Variants in CTNNA2 observed in about 807,000 individuals in gnomAD.
The protein encoded by CTNNA2 is catenin alpha-2.
A neutral mutation model predicts 101.0 loss-of-function variants in CTNNA2; 42 were observed. The ratio of observed to expected loss-of-function variants is 0.42; its 90% confidence interval spans 0.32 to 0.54. CTNNA2 has a LOEUF of 0.54. Among genes scored for constraint, CTNNA2 ranks in the 20% least tolerant of loss-of-function variants. CTNNA2 has a pLI of 0.14. For missense variants in CTNNA2, 871 were observed against 1,223.1 expected, an observed-to-expected ratio of 0.71 and a Z score of 4.29; for synonymous variants, 450 against 456.4, an observed-to-expected ratio of 0.99 and a Z score of 0.18.
At chr2:79,549,333 C>T (rs989613146) in intron 1 of CTNNA2, among the ~76,000 whole-genome samples, 12 of 152,276 alleles carry the variant, frequency 7.9e-5, no homozygotes, top group East Asian at 7.7e-4. Flanking sequence ...TATTCACACA[C>T]GTGGAATGAG....
At chr2:79,827,439 C>A (rs188995132) in intron 3 of CTNNA2, among the ~76,000 whole-genome samples, 1 of 152,122 alleles carries the variant, frequency 6.6e-6, no homozygotes, top group Admixed American at 6.5e-5. Context: ...ATCCACAAGG[C>A]GTCATCCAGA....
intron 7 of CTNNA2, among the ~76,000 whole-genome samples, chr2:79,976,307 C>T (rs1690836350): frequency 6.6e-6 from 1 of 152,100 alleles, no homozygotes; most frequent in Non-Finnish European, 1.5e-5. Context: ...GAAATTCAGG[C>T]CAACTGAACA....
intron 3 of CTNNA2, among the ~76,000 whole-genome samples, chr2:79,348,380 A>C (rs1360671711): frequency 6.6e-6 from 1 of 152,208 alleles, no homozygotes; most frequent in Non-Finnish European, 1.5e-5. Context: ...TCCTGATCTC[A>C]GTACCTGGTT....
chr2:80,263,535 C>G (rs566409250), intron 7 of CTNNA2, among the ~76,000 whole-genome samples: 12 of 152,206 alleles, frequency 7.9e-5, no homozygotes, highest in African/African-American at 2.9e-4. Context: ...GGGGTTTCAC[C>G]ATGTTGGCCC....
At chr2:79,471,056 T>C (rs572845583) in intron 4 of CTNNA2, among the ~76,000 whole-genome samples, 1 of 152,310 alleles carries the variant, frequency 6.6e-6, no homozygotes, top group East Asian at 1.9e-4. Context: ...ATTCATGTAA[T>C]GAAGATAGAT....
intron 2 of CTNNA2, among the ~76,000 whole-genome samples, chr2:79,283,270 C>T (rs1675452270): frequency 1.8e-5 from 2 of 109,444 alleles, no homozygotes; most frequent in Non-Finnish European, 4.2e-5. Context: ...GAATTAGATC[C>T]CATTTGTCAA....
intron 7 of CTNNA2, among the ~76,000 whole-genome samples, chr2:80,212,254 G>A (rs1707941974): frequency 6.6e-6 from 1 of 152,244 alleles, no homozygotes; most frequent in East Asian, 1.9e-4. Context: ...CCAACATTAT[G>A]TTGAATAGAA....
At chr2:80,170,881 C>G (rs1705010271) in intron 7 of CTNNA2, among the ~76,000 whole-genome samples, 1 of 152,134 alleles carries the variant, frequency 6.6e-6, no homozygotes, top group South Asian at 2.1e-4. Context: ...AAGGGTACAA[C>G]TTTTCAGTGT....
chr2:79,329,956 G>A lies in CTNNA2; in HGVS notation c.-318+17160G>A, dbSNP rs184821853. Among the ~76,000 whole-genome samples the A allele has an allele frequency of 6.2e-3, 947 of 152,200 alleles. 6 individuals are homozygous for A. Among genetic ancestry groups the A allele is most frequent in the African/African-American group, 0.022 (923 of 41,512 alleles). ...GCCCCAGCAGGGTGGGTGCCTCCAAGGCCCAAAAACATGACAGGCTTCAGG... is the reference window on the plus strand; with the variant it reads ...GCCCCAGCAGGGTGGGTGCCTCCAAAGCCCAAAAACATGACAGGCTTCAGG... On this transcript the variant is annotated intron_variant, in intron 3 of 21. Transcript: ENST00000466387.
At chr2:80,582,770 G>T (rs1209698474) in intron 14 of CTNNA2, among the ~76,000 whole-genome samples, 1 of 152,094 alleles carries the variant, frequency 6.6e-6, no homozygotes, top group Non-Finnish European at 1.5e-5. Flanking sequence ...TGAATAGAAA[G>T]CAAGAGGTTG....
intron 2 of CTNNA2, among the ~76,000 whole-genome samples, chr2:79,294,477 C>T (rs1417144338): frequency 6.6e-6 from 1 of 152,046 alleles, no homozygotes; most frequent in Admixed American, 6.6e-5. Flanking sequence ...ACAATTTAGT[C>T]CATACCAAGT....
At chr2:80,267,988 A>G (rs1673146388) in intron 7 of CTNNA2, among the ~76,000 whole-genome samples, 1 of 152,214 alleles carries the variant, frequency 6.6e-6, no homozygotes, top group African/African-American at 2.4e-5. Context: ...GTAGATATGG[A>G]ACTGACTTTA....
At position 79,889,179 on chromosome 2, in the gene CTNNA2, C is replaced by T. The variant is rs1264691234; in HGVS notation, c.852+14837C>T. On this transcript the variant is annotated intron_variant, in intron 6 of 18. Transcript: ENST00000402739. ...TTTGATTCAGTGGTGAAGTAAACCACACACAAACACACACACACACGTGCA... is the reference window on the plus strand; with the variant it reads ...TTTGATTCAGTGGTGAAGTAAACCATACACAAACACACACACACACGTGCA... Among the ~76,000 whole-genome samples, 4 of 152,236 alleles carry T rather than the reference C, an allele frequency of 2.6e-5. No homozygotes were observed. In the East Asian group the frequency reaches 7.7e-4, roughly 29 times the overall value.
chr2:80,628,169 G>T (rs569426755), intron 18 of CTNNA2, among the ~76,000 whole-genome samples: 1 of 152,000 alleles, frequency 6.6e-6, no homozygotes, highest in Non-Finnish European at 1.5e-5. Flanking sequence ...GATCAATATT[G>T]TGAAAATGGC....
chr2:79,623,857 A>G (rs1679141378), intron 1 of CTNNA2, among the ~76,000 whole-genome samples: 1 of 152,208 alleles, frequency 6.6e-6, no homozygotes, highest in East Asian at 1.9e-4. Flanking sequence ...ACTTTGTTTC[A>G]AATATTATAG....
At chr2:79,654,627 A>T (rs897282556) in intron 2 of CTNNA2, among the ~76,000 whole-genome samples, 5 of 152,188 alleles carry the variant, frequency 3.3e-5, no homozygotes, top group Non-Finnish European at 7.3e-5. Context: ...GACATCCTTA[A>T]CCTAAGCACA....
chr2:80,256,059 C>T (rs1368053227), intron 7 of CTNNA2, among the ~76,000 whole-genome samples: 2 of 152,066 alleles, frequency 1.3e-5, no homozygotes, highest in South Asian at 2.1e-4. Flanking sequence ...ATGCAGCAAG[C>T]CTTCTAATCA....
chr2:79,858,319 A>C, intron 4 of CTNNA2, 140 bp downstream of exon 4: 1 of 462,980 alleles, frequency 2.2e-6, no homozygotes, highest in Non-Finnish European at 3.8e-6. Context: ...GCCCACGTCC[A>C]ATTTTTTCTA....
rs1491291453 is a variant in CTNNA2 at position 79,977,220 on chromosome 2, ATG to A, written c.1056+67424_1056+67425del. Among the ~76,000 whole-genome samples, 1,287 of 138,508 alleles carry A rather than the reference ATG, an allele frequency of 9.3e-3. 17 individuals are homozygous for A. Among genetic ancestry groups the A allele is most frequent in the African/African-American group, 0.032 (1,210 of 37,846 alleles). 90.9% of individuals were successfully genotyped at this position (138,508 alleles called of 152,430 possible). ...CACACACACGTGCACATGCATATGCATGCACACACACACACACACACACACAC... is the reference window on the plus strand; with the variant it reads ...CACACACACGTGCACATGCATATGCACACACACACACACACACACACACAC... On this transcript the variant is annotated intron_variant, in intron 7 of 18. Transcript: ENST00000402739.
Sources: allele counts gnomAD v4.1 joint callset (sites outside exome capture counted in the v4.1 genomes callset), GRCh38; gene constraint gnomAD v4.1.1; transcripts MANE v1.5; gene names NCBI Gene and HGNC (gene_info 2026-07-23, HGNC 2026-07-21).